Variants in MYH15 observed in about 807,000 individuals in gnomAD.
MYH15 encodes the protein myosin-15.
Under a neutral mutation model 240.5 loss-of-function variants are expected in MYH15, and 227 were observed. The ratio of observed to expected loss-of-function variants is 0.94; its 90% confidence interval spans 0.85 to 1.05. The LOEUF (loss-of-function observed/expected upper bound fraction) is 1.05. Among genes scored for constraint, MYH15 ranks in the 50% least tolerant of loss-of-function variants. The pLI is 0.00. For synonymous variants in MYH15, 785 were observed against 796.7 expected, an observed-to-expected ratio of 0.99 and a Z score of 0.25; for missense variants, 2,217 against 2,247.5, an observed-to-expected ratio of 0.99 and a Z score of 0.27.
chr3:108,523,913 T>C (rs2083643952), intron 1 of MYH15, among the ~76,000 whole-genome samples: 2 of 152,012 alleles, frequency 1.3e-5, no homozygotes, highest in Admixed American at 6.6e-5. Flanking sequence ...TTAATGATTC[T>C]ATGATATTTC....
At chr3:108,462,406 T>G (rs2083079593) in intron 16 of MYH15, among the ~76,000 whole-genome samples, 1 of 152,030 alleles carries the variant, frequency 6.6e-6, no homozygotes, top group African/African-American at 2.4e-5. Context: ...ATATAGTAGA[T>G]TTGTAAAATC....
In MYH15 at chr3:108,381,231, G is replaced by A. The variant is rs2082340353; in HGVS notation, c.*314C>T. The A allele has an allele frequency of 2.4e-6, 1 of 409,874 alleles. No homozygotes were observed. The highest frequency in any genetic ancestry group is 2.0e-5 in the African/African-American group (1 of 49,246). 25.4% of individuals were successfully genotyped at this position (409,874 alleles called of 1,614,324 possible). On this transcript the variant is annotated 3_prime_UTR_variant, in exon 41 of 41. Coordinates refer to ENST00000693548, the MANE Select transcript of MYH15 (RefSeq NM_014981.3). ...ATCTTCTATGAGTCCTACCCATTAA[G>A]AGGAAATATGGACAAAGGATCAAGT...
intron 7 of MYH15, 101 bp downstream of exon 7, chr3:108,495,679 T>G (rs1205073864): frequency 2.8e-6 from 2 of 708,722 alleles, no homozygotes; most frequent in East Asian, 3.0e-5. Context: ...AAGACCTTCT[T>G]TGGTGTTCTA....
intron 4 of MYH15, 107 bp downstream of exon 4, chr3:108,500,011 A>C (rs556370294): frequency 2.4e-6 from 3 of 1,247,928 alleles, no homozygotes; most frequent in African/African-American, 3.0e-5. Context: ...GTGATTAGCT[A>C]ACTGTAAAGG....
At chr3:108,519,956 T>G (rs1237705063) in intron 1 of MYH15, among the ~76,000 whole-genome samples, 1 of 152,202 alleles carries the variant, frequency 6.6e-6, no homozygotes, top group East Asian at 1.9e-4. Flanking sequence ...GTCAACATCT[T>G]TGCATAATAG....
chr3:108,536,226 C>T, the MYH15 span, among the ~76,000 whole-genome samples: 6 of 152,148 alleles, frequency 3.9e-5, no homozygotes, highest in Admixed American at 3.9e-4. Context: ...GATTGTGCTA[C>T]TGAACTCCAT....
At chr3:108,526,162 A>G (rs2107274125) in intron 1 of MYH15, among the ~76,000 whole-genome samples, 1 of 152,244 alleles carries the variant, frequency 6.6e-6, no homozygotes, top group Admixed American at 6.6e-5. Flanking sequence ...AGACTCTTAT[A>G]CAGTGATGCT....
At chr3:108,383,289 T>C (rs2082356872) in intron 40 of MYH15, among the ~76,000 whole-genome samples, 1 of 152,224 alleles carries the variant, frequency 6.6e-6, no homozygotes, top group South Asian at 2.1e-4. Flanking sequence ...CTTTGTTCCA[T>C]GGACTCCTGA....
At position 108,428,828 on chromosome 3, in the gene MYH15, G is replaced by A. The variant is rs144965775; in HGVS notation, c.3366C>T (p.Ala1122=). Residue 1122 remains alanine, a synonymous_variant, in exon 27 of 41, where the codon GCC becomes GCT. Coordinates refer to ENST00000693548, the MANE Select transcript of MYH15 (RefSeq NM_014981.3). ...GGTCAGCTCTCTCCCTTTCCATCTT[G>A]GCTCGAGTGGTCCTTTCAGCTTCTA... The part of the protein sequence containing the change: ...EKLEAERTTR[A]KMERERADLT... The A allele has an allele frequency of 1.3e-3, 2,144 of 1,613,284 alleles. 18 individuals are homozygous for A. The African/African-American group carries it at 0.025, about 19-fold the overall frequency.
At position 108,395,551 on chromosome 3, in the gene MYH15, T is replaced by C. The variant is rs190846681; in HGVS notation, c.5134-1395A>G. On this transcript the variant is annotated intron_variant, in intron 35 of 40. Coordinates refer to ENST00000693548, the MANE Select transcript of MYH15 (RefSeq NM_014981.3). ...GTACAAATACTAATTTGTTTGTACA[T>C]AGAATCCTTTAAAATTTGCTAGGGA... Among the ~76,000 whole-genome samples, 106 of 152,158 alleles carry C rather than the reference T, an allele frequency of 7.0e-4. 1 individual carries two copies. Among genetic ancestry groups the C allele is most frequent in the South Asian group, 4.2e-4 (2 of 4,812 alleles).
intron 1 of MYH15, among the ~76,000 whole-genome samples, chr3:108,518,706 C>T (rs575525809): frequency 6.6e-6 from 1 of 152,118 alleles, no homozygotes; most frequent in Non-Finnish European, 1.5e-5. Context: ...GTCATGTGAC[C>T]CCTGCCGGGA....
intron 30 of MYH15, among the ~76,000 whole-genome samples, chr3:108,412,093 G>T (rs2082598113): frequency 6.6e-6 from 1 of 152,166 alleles, no homozygotes; most frequent in African/African-American, 2.4e-5. Flanking sequence ...GTTTCACTTT[G>T]GGTGACTGAT....
Position 108,394,142 on chromosome 3 carries a change from G to T in MYH15, c.5148C>A (p.Leu1716=), listed in dbSNP as rs750188745. ...CAGCCTCCAGTTTCTTCTTCTGGCTGAGGAGGCTTGTGTTCTAAAGAAAAG... is the reference window on the plus strand; with the variant it reads ...CAGCCTCCAGTTTCTTCTTCTGGCTTAGGAGGCTTGTGTTCTAAAGAAAAG... ...NLFYTQNTSL[L]SQKKKLEADV... Residue 1716 remains leucine, a synonymous_variant, in exon 36 of 41, where the codon CTC becomes CTA. Transcript: ENST00000693548. 4 of 1,613,940 alleles carry T rather than the reference G, an allele frequency of 2.5e-6. No homozygotes were observed. The Admixed American group carries it at 6.7e-5, about 27-fold the overall frequency.
intron 21 of MYH15, among the ~76,000 whole-genome samples, chr3:108,445,277 T>G (rs1374986432): frequency 1.3e-5 from 2 of 152,162 alleles, no homozygotes; most frequent in Non-Finnish European, 2.9e-5. Context: ...ATTTTCATAT[T>G]CACATGGATA....
intron 35 of MYH15, 52 bp from the exon 36 acceptor site, chr3:108,394,208 G>A (rs763343563): frequency 6.2e-7 from 1 of 1,608,342 alleles, no homozygotes; most frequent in African/African-American, 1.3e-5. Flanking sequence ...CAATGCAAAT[G>A]CAAGCTGGTC....
At chr3:108,407,935 A>T (rs773234441) in intron 32 of MYH15, among the ~76,000 whole-genome samples, 2 of 152,184 alleles carry the variant, frequency 1.3e-5, no homozygotes, top group Non-Finnish European at 2.9e-5. Flanking sequence ...TGAATTTCTA[A>T]CAGCCTCCCA....
rs1418390409 is a variant in MYH15, at chr3:108,404,227, C to T, written c.4736+1111G>A. On this transcript the variant is annotated intron_variant, in intron 33 of 40. Transcript: ENST00000693548. ...AGAAGGCCAAATTTGGCTTGACACC[C>T]TCATTAAAAAATTGACCCCCTTGAG... Among the ~76,000 whole-genome samples, 3 of 152,104 alleles carry T rather than the reference C, an allele frequency of 2.0e-5. No homozygotes were observed. In the East Asian group the frequency reaches 5.8e-4, roughly 29 times the overall value.
At chr3:108,501,637 A>T in intron 3 of MYH15, 75 bp downstream of exon 3, 1 of 1,575,422 alleles carries the variant, frequency 6.3e-7, no homozygotes, top group Non-Finnish European at 8.7e-7. Flanking sequence ...TCAATGTAAG[A>T]GATCACCCAG....
At chr3:108,402,109 G>T (rs1445907587) in intron 33 of MYH15, among the ~76,000 whole-genome samples, 2 of 143,216 alleles carry the variant, frequency 1.4e-5, no homozygotes, top group Non-Finnish European at 3.2e-5. Context: ...CTATGTATGA[G>T]AAATAAGAGA....
Sources: gnomAD v4.1 joint callset for allele counts (sites outside exome capture counted in the v4.1 genomes callset) on GRCh38, gnomAD v4.1.1 for gene constraint, MANE v1.5 for transcripts, NCBI Gene and HGNC (gene_info 2026-07-23, HGNC 2026-07-21) for gene names.